ARL13B: variants seen among roughly 807,000 people sequenced by gnomAD.
ARL13B encodes the protein ADP-ribosylation factor-like protein 13B.
A neutral mutation model predicts 56.1 loss-of-function variants in ARL13B; 36 were observed. The ratio of observed to expected loss-of-function variants is 0.64; its 90% CI spans 0.49 to 0.85. The LOEUF (loss-of-function observed/expected upper bound fraction) is 0.85, where lower values mean the gene tolerates loss of function less well. ARL13B is among the 40% of genes least tolerant of loss of function. ARL13B has a pLI of 0.00. For missense variants in ARL13B, 519 were observed against 507.1 expected (o/e 1.02, Z -0.23); for synonymous variants, 178 against 171.1 (o/e 1.04, Z -0.32).
intron 5 of ARL13B, among the ~76,000 whole-genome samples, chr3:94,038,244 A>G (rs2076802876): frequency 1.3e-5 from 2 of 152,184 alleles, no homozygotes; most frequent in Admixed American, 1.3e-4. Context: ...GACCCTTGAT[A>G]CAGCTCTATG....
chr3:94,035,289 A>T (rs200173589), intron 3 of ARL13B, 42 bp from the exon 4 acceptor site: 1 of 1,291,350 alleles, frequency 7.7e-7, no homozygotes, highest in Admixed American at 2.0e-5. Context: ...TTTCCATCCA[A>T]TTATATATAT....
At chr3:94,046,286 A>G (rs972191718) in intron 7 of ARL13B, among the ~76,000 whole-genome samples, 75 of 151,966 alleles carry the variant, frequency 4.9e-4, no homozygotes, top group Non-Finnish European at 8.5e-4. Flanking sequence ...TCCCCTCTCT[A>G]CTTCTCCACC....
At chr3:93,994,567 G>A (rs1181538328) in intron 1 of ARL13B, among the ~76,000 whole-genome samples, 1 of 152,028 alleles carries the variant, frequency 6.6e-6, no homozygotes. Context: ...ATCTGTTTTT[G>A]TTTGTTTTAT....
intron 3 of ARL13B, among the ~76,000 whole-genome samples, chr3:94,015,774 C>T (rs746311759): frequency 6.6e-6 from 1 of 152,030 alleles, no homozygotes; most frequent in Non-Finnish European, 1.5e-5. Flanking sequence ...TATATGAGAA[C>T]GTTAAGCTAT....
At chr3:94,039,131 CAT>C (rs1038285457) in intron 5 of ARL13B, among the ~76,000 whole-genome samples, 6 of 152,000 alleles carry the variant, frequency 3.9e-5, no homozygotes, top group African/African-American at 1.2e-4. Flanking sequence ...GAAATAAAAA[CAT>C]AGGTTGAGTT....
chr3:94,035,426 T>C lies in ARL13B; in HGVS notation c.476T>C (p.Leu159Pro). Residue 159 changes from leucine (L) to proline (P), a missense_variant, in exon 4 of 10, where the codon CTG becomes CCG. Coordinates refer to ENST00000394222, the MANE Select transcript of ARL13B (RefSeq NM_001174150.2). ...LEKLVNEHKC[L>P]CQIEPCSAIS... ...AAATTGGTCAATGAGCACAAGTGCCTGTGTCAGATAGTAAGGTTTTTTTTT... is the reference window on the plus strand; with the variant it reads ...AAATTGGTCAATGAGCACAAGTGCCCGTGTCAGATAGTAAGGTTTTTTTTT... The C allele has an allele frequency of 1.3e-6, 2 of 1,585,606 alleles. No homozygotes were observed. The highest frequency in any genetic ancestry group is 1.7e-6 in the Non-Finnish European group (2 of 1,166,190).
chr3:94,005,752 C>T (rs999425721), intron 3 of ARL13B, among the ~76,000 whole-genome samples: 1 of 151,984 alleles, frequency 6.6e-6, no homozygotes, highest in Non-Finnish European at 1.5e-5. Flanking sequence ...TAAAGGTAAA[C>T]TGCTTTTTGG....
intron 6 of ARL13B, among the ~76,000 whole-genome samples, chr3:94,040,542 G>A (rs1413211003): frequency 6.6e-6 from 1 of 152,122 alleles, no homozygotes; most frequent in Non-Finnish European, 1.5e-5. Flanking sequence ...GGGGTTGTGT[G>A]TGTGCGCGTC....
At chr3:93,999,424 A>G (rs2076018429) in intron 2 of ARL13B, among the ~76,000 whole-genome samples, 1 of 152,112 alleles carries the variant, frequency 6.6e-6, no homozygotes, top group African/African-American at 2.4e-5. Context: ...TATTCACAAT[A>G]GCTTTTTTTC....
chr3:94,052,349 T>C (rs1290204999), intron 9 of ARL13B, among the ~76,000 whole-genome samples: 1 of 152,136 alleles, frequency 6.6e-6, no homozygotes, highest in Non-Finnish European at 1.5e-5. Flanking sequence ...CAGCTTACTG[T>C]AGAATATATG....
chr3:94,019,773 T>A (rs1011928588), intron 3 of ARL13B, among the ~76,000 whole-genome samples: 4 of 152,134 alleles, frequency 2.6e-5, no homozygotes, highest in Admixed American at 6.5e-5. Flanking sequence ...CCTACAACTC[T>A]CCCTTTCTCT....
chr3:93,986,935 A>AG (rs1710496923), intron 1 of ARL13B, among the ~76,000 whole-genome samples: 1 of 144,796 alleles, frequency 6.9e-6, no homozygotes, highest in South Asian at 2.2e-4. Context: ...TCGCCACTGC[A>AG]CACTCCAGCC....
At position 94,005,716 on chromosome 3, in the gene ARL13B, G is replaced by T. The variant is rs116543554; in HGVS notation, c.380+1808G>T. Among the ~76,000 whole-genome samples the T allele has an allele frequency of 4.1e-3, 624 of 152,244 alleles. 6 individuals are homozygous for T. The highest frequency in any genetic ancestry group is 0.013 in the African/African-American group (560 of 41,558). On this transcript the variant is annotated intron_variant, in intron 3 of 9. Transcript: ENST00000394222. Reference sequence around the variant, plus strand: ...GCCATTTGACCAGATTTTCTCATGGGATTTTTACAATCAGAATTTTATTAT... The same window carrying T: ...GCCATTTGACCAGATTTTCTCATGGTATTTTTACAATCAGAATTTTATTAT...
At chr3:94,038,444 A>T (rs2076806263) in intron 5 of ARL13B, among the ~76,000 whole-genome samples, 1 of 149,448 alleles carries the variant, frequency 6.7e-6, no homozygotes, top group South Asian at 2.1e-4. Flanking sequence ...GCTATACCAT[A>T]CTTACAGTCC....
At chr3:93,982,618 TGC>T (rs2107313497) in intron 1 of ARL13B, among the ~76,000 whole-genome samples, 1 of 152,382 alleles carries the variant, frequency 6.6e-6, no homozygotes, top group African/African-American at 2.4e-5. Flanking sequence ...ATGTATATGT[TGC>T]TTATGTTAAC....
At chr3:94,014,361 G>A in intron 3 of ARL13B, 2 of 1,506,414 alleles carry the variant, frequency 1.3e-6, no homozygotes, top group Admixed American at 2.5e-5. Context: ...CCGTAAAGCT[G>A]GAAAAAGTTT....
At chr3:94,035,259 G>A (rs995795761) in intron 3 of ARL13B, 72 bp from the exon 4 acceptor site, 9 of 925,444 alleles carry the variant, frequency 9.7e-6, no homozygotes, top group Middle Eastern at 3.0e-4. Flanking sequence ...AAAAAAGAAT[G>A]TGGTCAAAAT....
At chr3:93,994,607 G>A (rs1239466414) in intron 1 of ARL13B, among the ~76,000 whole-genome samples, 1 of 152,106 alleles carries the variant, frequency 6.6e-6, no homozygotes, top group Non-Finnish European at 1.5e-5. Flanking sequence ...ATAAACAAGT[G>A]TGTCTCAAAT....
chr3:94,017,732 A>G lies in ARL13B; in HGVS notation c.380+13824A>G, dbSNP rs1416813850. ...GGCAGGGTCTCTAAGCAGATATTTG[A>G]GATGTGAGACTGAATGTTGAGAAGC... On this transcript the variant is annotated intron_variant, in intron 3 of 9. Coordinates refer to ENST00000394222, the MANE Select transcript of ARL13B (RefSeq NM_001174150.2). Among the ~76,000 whole-genome samples the G allele has an allele frequency of 2.0e-5, 3 of 152,182 alleles. No homozygotes were observed. In the East Asian group the frequency reaches 5.8e-4, roughly 29 times the overall value.
Sources: allele counts gnomAD v4.1 joint callset (sites outside exome capture counted in the v4.1 genomes callset), GRCh38; gene constraint gnomAD v4.1.1; transcripts MANE v1.5; gene names NCBI Gene and HGNC (gene_info 2026-07-23, HGNC 2026-07-21).